Variants in RYR3 observed in about 807,000 individuals in gnomAD.
RYR3 encodes brain ryanodine receptor-calcium release channel.
Under a neutral mutation model 584.3 loss-of-function variants are expected in RYR3, and 207 were observed. That is an observed-to-expected ratio of 0.35 (90% CI 0.32 to 0.40). The LOEUF (loss-of-function observed/expected upper bound fraction) is 0.40, where lower values mean the gene tolerates loss of function less well. Among genes scored for constraint, RYR3 ranks in the 10% least tolerant of loss-of-function variants. The pLI is 1.00. For synonymous variants in RYR3, 2,416 were observed against 2,248.5 expected (o/e 1.07, Z -2.11); for missense variants, 5,616 against 6,089.2 (o/e 0.92, Z 2.59).
chr15:33,630,588 C>T (rs1281458134), intron 22 of RYR3, among the ~76,000 whole-genome samples: 3 of 152,182 alleles, frequency 2.0e-5, no homozygotes, highest in Non-Finnish European at 4.4e-5. Flanking sequence ...GTTGGCATAA[C>T]GATGCTCCGT....
chr15:33,775,031 T>C (rs1402977523), intron 64 of RYR3, among the ~76,000 whole-genome samples: 1 of 150,260 alleles, frequency 6.7e-6, no homozygotes, highest in African/African-American at 2.5e-5. Context: ...ATTCTTCTCT[T>C]GAAAAAAAAA....
At chr15:33,460,816 GTAAGTTTGTTTCCTGC>G (rs2047962075) in intron 1 of RYR3, among the ~76,000 whole-genome samples, 1 of 151,804 alleles carries the variant, frequency 6.6e-6, no homozygotes, top group Admixed American at 6.6e-5. Context: ...AGGAGTCTTG[GTAAGTTTGTTTCCTGC>G]TTGGCCCACC....
At chr15:33,439,504 T>C (rs1325558016) in intron 1 of RYR3, among the ~76,000 whole-genome samples, 1 of 152,204 alleles carries the variant, frequency 6.6e-6, no homozygotes, top group Admixed American at 6.5e-5. Context: ...TTTTTTAAAA[T>C]TGATGCTCAT....
intron 3 of RYR3, among the ~76,000 whole-genome samples, chr15:33,528,723 C>T (rs1361447956): frequency 6.6e-6 from 1 of 152,192 alleles, no homozygotes; most frequent in Non-Finnish European, 1.5e-5. Context: ...TGGTAGTAAT[C>T]ACCATGATGA....
In RYR3 at chr15:33,813,448, C is replaced by T. The variant is rs200872304; in HGVS notation, c.10390-19C>T. ...GAAGATCAGCCTAATGTGCACCAAC[C>T]GATGTGATCTCTTCTCAGGTGGAAC... On this transcript the variant is annotated intron_variant, in intron 73 of 103. Transcript: ENST00000634891. The T allele has an allele frequency of 4.9e-5, 79 of 1,597,692 alleles. No individual in the cohort carries two copies. The highest frequency in any genetic ancestry group is 6.7e-5 in the African/African-American group (5 of 74,580).
At chr15:33,408,951 CT>C (rs2043201997) in intron 1 of RYR3, among the ~76,000 whole-genome samples, 1 of 152,198 alleles carries the variant, frequency 6.6e-6, no homozygotes, top group Non-Finnish European at 1.5e-5. Context: ...CCTCACAAAT[CT>C]GTCAGAGGGG....
In RYR3 at chr15:33,584,420, C is replaced by T. The variant is rs753218366; in HGVS notation, c.1599C>T (p.Asn533=). The T allele has an allele frequency of 1.9e-6, 3 of 1,607,474 alleles. No homozygotes were observed. Among genetic ancestry groups the T allele is most frequent in the Non-Finnish European group, 2.6e-6 (3 of 1,175,202 alleles). Residue 533 remains asparagine (N), a synonymous_variant, in exon 15 of 104, where the codon AAC becomes AAT. Coordinates refer to ENST00000634891, the MANE Select transcript of RYR3 (RefSeq NM_001036.6). ...LLAALIRGNR[N]NCAQFSNNLD... is the part of the protein sequence containing the mutation. ...CTGCTCTCATTCGCGGAAACAGAAA[C>T]AATTGCGCTCAATTCTCCAATAACC...
chr15:33,563,059 C>A, intron 11 of RYR3, 49 bp downstream of exon 11: 1 of 1,457,178 alleles, frequency 6.9e-7, no homozygotes, highest in Non-Finnish European at 9.4e-7. Context: ...GAGTTGGAAG[C>A]AACTAGGCAA....
chr15:33,649,263 AG>A (rs774722895), intron 31 of RYR3, 28 bp downstream of exon 31: 1 of 1,600,126 alleles, frequency 6.2e-7, no homozygotes, highest in Non-Finnish European at 8.5e-7. Flanking sequence ...TGGCAGGGTT[AG>A]CCATCGGGCT....
At chr15:33,336,415 GACGAAAGA>G in intron 1 of RYR3, among the ~76,000 whole-genome samples, 1 of 43,902 alleles carries the variant, frequency 2.3e-5, no homozygotes. Context: ...GACAGAGCGA[GACGAAAGA>G]AAGAAAGAAA....
Position 33,628,501 on chromosome 15 carries a change from C to A in RYR3, c.2605C>A (p.Arg869=), listed in dbSNP as rs569490682. ...TTTGCCACCTCACCTAGAAAAGATC[C>A]GAGACAGACTAGCTGAAAACATCCA... ...VILPPHLEKI[R]DRLAENIHEL... Residue 869 remains arginine (R), a synonymous_variant, in exon 21 of 104, where the codon CGA becomes AGA. Transcript: ENST00000634891. 1.3e-5 allele frequency: 21 copies of A among 1,613,314 alleles called. No individual in the cohort carries two copies. The East Asian group carries it at 4.0e-4, about 31-fold the overall frequency.
intron 3 of RYR3, among the ~76,000 whole-genome samples, chr15:33,517,595 T>C (rs555992981): frequency 9.2e-5 from 14 of 152,344 alleles, no homozygotes; most frequent in Middle Eastern, 3.4e-3. Flanking sequence ...AGGGAATGCA[T>C]GTTAACCTCT....
At chr15:33,600,911 A>G (rs2059627979) in intron 16 of RYR3, among the ~76,000 whole-genome samples, 1 of 152,144 alleles carries the variant, frequency 6.6e-6, no homozygotes, top group Admixed American at 6.5e-5. Context: ...ACCTCCGCTA[A>G]TACTCAGTGC....
chr15:33,669,856 G>GC (rs1434319137), intron 37 of RYR3, among the ~76,000 whole-genome samples: 1 of 47,346 alleles, frequency 2.1e-5, no homozygotes, highest in East Asian at 7.3e-4. Context: ...GGGGGGGGGG[G>GC]GGTGTGGGTG....
chr15:33,549,245 T>C (rs1423396640), intron 9 of RYR3, among the ~76,000 whole-genome samples: 1 of 152,204 alleles, frequency 6.6e-6, no homozygotes, highest in East Asian at 1.9e-4. Context: ...TAATGGACTT[T>C]TTAAGAGGTC....
Position 33,631,307 on chromosome 15 carries a change from T to G in RYR3, c.2867+14T>G, listed in dbSNP as rs1179881848. Reference sequence around the variant, plus strand: ...ACTGCCCAAAAAGTAGGTGATTTTTTTTTTAATGGTTCAAGACTTTAATGC... The same window carrying G: ...ACTGCCCAAAAAGTAGGTGATTTTTGTTTTAATGGTTCAAGACTTTAATGC... On this transcript the variant is annotated intron_variant, in intron 23 of 103. Coordinates refer to ENST00000634891, the MANE Select transcript of RYR3 (RefSeq NM_001036.6). The G allele has an allele frequency of 1.3e-6, 2 of 1,524,470 alleles. No homozygotes were observed. Among genetic ancestry groups the G allele is most frequent in the Non-Finnish European group, 8.9e-7 (1 of 1,118,728 alleles). 94.4% of individuals were successfully genotyped at this position (1,524,470 alleles called of 1,614,324 possible). A position where few individuals can be genotyped will look rare whatever the true frequency, so the allele number is the denominator to read the frequency against.
intron 98 of RYR3, among the ~76,000 whole-genome samples, chr15:33,855,297 C>T (rs2153002307): frequency 6.6e-6 from 1 of 152,200 alleles, no homozygotes; most frequent in South Asian, 2.1e-4. Context: ...TCCCAGGTCC[C>T]AGTTCAAGCA....
At chr15:33,561,952 G>A (rs1050791587) in intron 10 of RYR3, among the ~76,000 whole-genome samples, 6 of 151,948 alleles carry the variant, frequency 3.9e-5, no homozygotes, top group East Asian at 3.9e-4. Context: ...GGCAACAGCC[G>A]TTTTTTATTC....
intron 74 of RYR3, 84 bp from the exon 75 acceptor site, chr15:33,816,778 C>T: frequency 1.2e-6 from 1 of 824,292 alleles, no homozygotes; most frequent in Non-Finnish European, 2.0e-6. Flanking sequence ...AAAGTCTGTC[C>T]TGCTTACTAA....
Sources: gnomAD v4.1 joint callset for allele counts (sites outside exome capture counted in the v4.1 genomes callset) on GRCh38, gnomAD v4.1.1 for gene constraint, MANE v1.5 for transcripts, NCBI Gene and HGNC (gene_info 2026-07-23, HGNC 2026-07-21) for gene names.